PCCA: variants seen among roughly 807,000 people sequenced by gnomAD.
PCCA encodes the protein propionyl-CoA carboxylase subunit alpha.
Under a neutral mutation model 101.3 loss-of-function variants are expected in PCCA, and 74 were observed. The observed-to-expected ratio is 0.73, with a 90% CI of 0.61 to 0.89. The LOEUF is 0.89. Ranked by LOEUF, PCCA falls within the 40% of genes least tolerant of loss-of-function variation. The pLI, the probability that PCCA is intolerant of heterozygous loss-of-function variation, is 0.00. For synonymous variants in PCCA, 294 were observed against 313.6 expected (o/e 0.94, Z 0.66); for missense variants, 891 against 907.0 (o/e 0.98, Z 0.23).
chr13:100,136,560 T>A (rs2051199132), intron 4 of PCCA, among the ~76,000 whole-genome samples: 1 of 152,200 alleles, frequency 6.6e-6, no homozygotes, highest in South Asian at 2.1e-4. Flanking sequence ...TTAAATGACG[T>A]ATTCAAGTTC....
chr13:100,344,528 A>AT (rs1051180695), intron 18 of PCCA, among the ~76,000 whole-genome samples: 2 of 152,270 alleles, frequency 1.3e-5, no homozygotes, highest in South Asian at 2.1e-4. Context: ...TAGTTCCATG[A>AT]TTTTTTTGTA....
intron 19 of PCCA, among the ~76,000 whole-genome samples, chr13:100,375,989 T>C (rs577097397): frequency 1.5e-4 from 23 of 152,326 alleles, no homozygotes; most frequent in Admixed American, 1.1e-3. Flanking sequence ...ATCTACCTTT[T>C]GTCTTTGATG....
intron 4 of PCCA, among the ~76,000 whole-genome samples, chr13:100,142,105 G>C (rs1353009070): frequency 6.6e-6 from 1 of 150,856 alleles, no homozygotes; most frequent in Non-Finnish European, 1.5e-5. Flanking sequence ...TTTTTCTCTA[G>C]TCTTTTCTCT....
At chr13:100,438,598 A>T (rs934752320) in intron 20 of PCCA, among the ~76,000 whole-genome samples, 1 of 151,838 alleles carries the variant, frequency 6.6e-6, no homozygotes, top group Non-Finnish European at 1.5e-5. Context: ...GTTCTGGAGG[A>T]TGCCTTTAAT....
intron 6 of PCCA, among the ~76,000 whole-genome samples, chr13:100,206,715 A>G (rs2058874981): frequency 6.6e-6 from 1 of 152,184 alleles, no homozygotes; most frequent in South Asian, 2.1e-4. Flanking sequence ...GATTTGGAGA[A>G]AACAGCAGAA....
At chr13:100,147,194 G>A (rs894576810) in intron 4 of PCCA, among the ~76,000 whole-genome samples, 1 of 152,162 alleles carries the variant, frequency 6.6e-6, no homozygotes, top group African/African-American at 2.4e-5. Context: ...TGGATAACAG[G>A]AAATGGGACT....
chr13:100,509,045 TTCCCC>T (rs1178589270), intron 21 of PCCA, among the ~76,000 whole-genome samples: 2 of 152,192 alleles, frequency 1.3e-5, no homozygotes, highest in Admixed American at 6.5e-5. Context: ...GCTCTGGACT[TTCCCC>T]TCCCAAGTTT....
chr13:100,434,785 C>T (rs558939466), intron 20 of PCCA, among the ~76,000 whole-genome samples: 1 of 152,356 alleles, frequency 6.6e-6, no homozygotes, highest in Non-Finnish European at 1.5e-5. Flanking sequence ...TCTTCTTGGT[C>T]TGTCTCTAAG....
intron 1 of PCCA, among the ~76,000 whole-genome samples, chr13:100,091,070 A>G (rs2046239633): frequency 6.6e-6 from 1 of 152,242 alleles, no homozygotes; most frequent in African/African-American, 2.4e-5. Context: ...AGAAGAACTG[A>G]AAAAAGCCTA....
chr13:100,433,799 A>G (rs1047570493), intron 20 of PCCA, among the ~76,000 whole-genome samples: 3 of 152,226 alleles, frequency 2.0e-5, no homozygotes, highest in African/African-American at 7.2e-5. Context: ...ACTCCTCCCC[A>G]TCATAAGGGT....
chr13:100,372,780 C>A (rs573775899), intron 19 of PCCA, among the ~76,000 whole-genome samples: 42 of 152,270 alleles, frequency 2.8e-4, no homozygotes, highest in African/African-American at 1.0e-3. Context: ...CGCTCTGTCA[C>A]CCAGGCTAAA....
intron 6 of PCCA, among the ~76,000 whole-genome samples, chr13:100,203,390 A>G (rs1239657143): frequency 6.6e-6 from 1 of 150,622 alleles, no homozygotes; most frequent in Admixed American, 6.6e-5. Context: ...TCTTTGCCTT[A>G]TAAAAACATT....
At chr13:100,318,502 C>T (rs1454376805) in intron 16 of PCCA, among the ~76,000 whole-genome samples, 1 of 125,616 alleles carries the variant, frequency 8.0e-6, no homozygotes, top group Middle Eastern at 4.6e-3. Context: ...CCATGACAGG[C>T]CCTGGTGTGT....
intron 7 of PCCA, among the ~76,000 whole-genome samples, chr13:100,233,492 T>C (rs2060611109): frequency 6.6e-6 from 1 of 152,190 alleles, no homozygotes; most frequent in South Asian, 2.1e-4. Context: ...AGGCAACCTT[T>C]ACAGTGTGAT....
At chr13:100,355,238 C>G (rs2073851583) in intron 18 of PCCA, among the ~76,000 whole-genome samples, 1 of 151,894 alleles carries the variant, frequency 6.6e-6, no homozygotes, top group African/African-American at 2.4e-5. Context: ...AAAAAAAAAT[C>G]TGACAAAATC....
At chr13:100,398,427 C>T (rs1196109419) in intron 19 of PCCA, among the ~76,000 whole-genome samples, 2 of 152,124 alleles carry the variant, frequency 1.3e-5, no homozygotes, top group East Asian at 1.9e-4. Flanking sequence ...AAAATATACG[C>T]ACTTGCTAGA....
At chr13:100,383,226 A>C (rs1242151882) in intron 19 of PCCA, among the ~76,000 whole-genome samples, 1 of 151,938 alleles carries the variant, frequency 6.6e-6, no homozygotes, top group Non-Finnish European at 1.5e-5. Context: ...TCCTGGGTTC[A>C]AGCCATCTGC....
At chr13:100,220,957 C>T (rs1238353211) in intron 7 of PCCA, among the ~76,000 whole-genome samples, 1 of 152,136 alleles carries the variant, frequency 6.6e-6, no homozygotes, top group Non-Finnish European at 1.5e-5. Context: ...ACTGTCTCTC[C>T]TAGGCCCAGA....
intron 18 of PCCA, among the ~76,000 whole-genome samples, chr13:100,367,688 G>A (rs2075288292): frequency 6.7e-6 from 1 of 149,754 alleles, no homozygotes; most frequent in South Asian, 2.1e-4. Flanking sequence ...GCCAGGCGCG[G>A]TGGCTCATGC....
Sources: gnomAD v4.1 joint callset for allele counts (sites outside exome capture counted in the v4.1 genomes callset) on GRCh38, gnomAD v4.1.1 for gene constraint, MANE v1.5 for transcripts, NCBI Gene and HGNC (gene_info 2026-07-23, HGNC 2026-07-21) for gene names.